Variants in STARD13 observed in about 807,000 individuals in gnomAD.
The protein encoded by STARD13 is StAR related lipid transfer domain containing 13.
Under a neutral mutation model 106.4 loss-of-function variants are expected in STARD13, and 62 were observed. That is an observed-to-expected ratio of 0.58 (90% CI 0.48 to 0.72). The LOEUF is 0.72. STARD13 is among the 30% of genes least tolerant of loss of function. The pLI, the probability that STARD13 is intolerant of heterozygous loss-of-function variation, is 0.00. For missense variants in STARD13, 1,387 were observed against 1,424.0 expected (o/e 0.97, Z 0.42); for synonymous variants, 565 against 553.0 (o/e 1.02, Z -0.31).
chr13:33,624,316 T>A, the STARD13 span, among the ~76,000 whole-genome samples: 3 of 152,238 alleles, frequency 2.0e-5, no homozygotes, highest in Non-Finnish European at 2.9e-5. Flanking sequence ...TACTGATGCA[T>A]GCATTGCTAA....
At chr13:33,171,641 C>T (rs573860285) in intron 1 of STARD13, among the ~76,000 whole-genome samples, 2 of 152,304 alleles carry the variant, frequency 1.3e-5, no homozygotes, top group Non-Finnish European at 2.9e-5. Flanking sequence ...TTAAGAGCAC[C>T]CCATCCCTGT....
the STARD13 span, among the ~76,000 whole-genome samples, chr13:33,516,103 G>A: frequency 6.8e-6 from 1 of 148,056 alleles, no homozygotes; most frequent in Non-Finnish European, 1.5e-5. Context: ...ACACATATAT[G>A]TTAACTTTGT....
chr13:33,463,088 T>C, the STARD13 span, among the ~76,000 whole-genome samples: 1 of 152,224 alleles, frequency 6.6e-6, no homozygotes, highest in Non-Finnish European at 1.5e-5. Context: ...TGCAAATCTC[T>C]GGAAGTGATG....
chr13:33,668,180 C>T, the STARD13 span, among the ~76,000 whole-genome samples: 3 of 152,234 alleles, frequency 2.0e-5, no homozygotes, highest in Non-Finnish European at 2.9e-5. Context: ...AAATTTAATT[C>T]GGCTGAAGTT....
At chr13:33,460,091 A>G in the STARD13 span, among the ~76,000 whole-genome samples, 4 of 152,178 alleles carry the variant, frequency 2.6e-5, no homozygotes, top group Non-Finnish European at 5.9e-5. Flanking sequence ...TTTTTCAACC[A>G]ATTTGTAAAA....
At chr13:33,492,210 C>T in the STARD13 span, among the ~76,000 whole-genome samples, 2,172 of 152,246 alleles carry the variant, frequency 0.014, 46 homozygotes, top group African/African-American at 0.05. Flanking sequence ...TGTATATGTG[C>T]AGGTCACAGG....
chr13:33,296,175 G>A (rs186244769), intron 1 of STARD13, among the ~76,000 whole-genome samples: 17 of 151,582 alleles, frequency 1.1e-4, no homozygotes, highest in African/African-American at 3.9e-4. Context: ...TTTGCAGTGA[G>A]CTGAGATGGT....
the STARD13 span, among the ~76,000 whole-genome samples, chr13:33,420,548 G>A: frequency 4.6e-5 from 7 of 152,294 alleles, no homozygotes; most frequent in African/African-American, 1.7e-4. Context: ...AGATCAATGA[G>A]ACAGAAGGTT....
At chr13:33,425,347 A>G in the STARD13 span, among the ~76,000 whole-genome samples, 1 of 152,212 alleles carries the variant, frequency 6.6e-6, no homozygotes, top group Non-Finnish European at 1.5e-5. Flanking sequence ...TTGACGGAAC[A>G]GGTAGCAAAT....
chr13:33,630,140 T>C, the STARD13 span, among the ~76,000 whole-genome samples: 2 of 152,192 alleles, frequency 1.3e-5, no homozygotes. Flanking sequence ...GTAGGTGTAG[T>C]AGCTTGCTTT....
chr13:33,319,687 G>A (rs1010477961), intron 1 of STARD13, among the ~76,000 whole-genome samples: 1 of 152,044 alleles, frequency 6.6e-6, no homozygotes, highest in Non-Finnish European at 1.5e-5. Flanking sequence ...TCTTGGTGTG[G>A]GTCAATCATT....
intron 1 of STARD13, among the ~76,000 whole-genome samples, chr13:33,243,065 A>ATTCCTAT (rs1281897981): frequency 6.6e-6 from 1 of 152,144 alleles, no homozygotes; most frequent in Non-Finnish European, 1.5e-5. Flanking sequence ...GGCTACAGGA[A>ATTCCTAT]TTCCTATTCC....
the STARD13 span, among the ~76,000 whole-genome samples, chr13:33,405,231 G>A: frequency 2.0e-5 from 3 of 152,360 alleles, no homozygotes; most frequent in Admixed American, 1.3e-4. Flanking sequence ...TGGGAAGGGT[G>A]AGCCAGAAAG....
At chr13:33,179,369 C>T (rs74881928) in intron 1 of STARD13, among the ~76,000 whole-genome samples, 1 of 152,248 alleles carries the variant, frequency 6.6e-6, no homozygotes, top group East Asian at 1.9e-4. Flanking sequence ...ACAGGAGTAC[C>T]TACCTCAGAG....
At chr13:33,248,208 T>C (rs1328559113) in intron 1 of STARD13, among the ~76,000 whole-genome samples, 1 of 152,116 alleles carries the variant, frequency 6.6e-6, no homozygotes, top group African/African-American at 2.4e-5. Context: ...AAGACCAGCC[T>C]GGGCAACATA....
the STARD13 span, among the ~76,000 whole-genome samples, chr13:33,466,541 A>G: frequency 6.6e-6 from 1 of 152,176 alleles, no homozygotes; most frequent in Non-Finnish European, 1.5e-5. Flanking sequence ...TTTAATGCTA[A>G]GCTCCTAGAC....
the STARD13 span, among the ~76,000 whole-genome samples, chr13:33,418,825 T>A: frequency 1.3e-5 from 2 of 152,226 alleles, no homozygotes; most frequent in African/African-American, 4.8e-5. Context: ...GCAAACAGTG[T>A]CTGGAGTGGA....
chr13:33,370,448 C>A, the STARD13 span, among the ~76,000 whole-genome samples: 2 of 152,126 alleles, frequency 1.3e-5, no homozygotes, highest in African/African-American at 4.8e-5. Flanking sequence ...ACACGTACAA[C>A]ACTGCTAATA....
chr13:33,545,244 G>A, the STARD13 span, among the ~76,000 whole-genome samples: 8 of 152,094 alleles, frequency 5.3e-5, no homozygotes, highest in Admixed American at 1.3e-4. Context: ...ACAGGTGTGA[G>A]CCACCGCGCC....
Sources: allele counts gnomAD v4.1 joint callset (sites outside exome capture counted in the v4.1 genomes callset), GRCh38; gene constraint gnomAD v4.1.1; transcripts MANE v1.5; gene names NCBI Gene and HGNC (gene_info 2026-07-23, HGNC 2026-07-21).